RBFOX1: variants seen among roughly 807,000 people sequenced by gnomAD.
RBFOX1 encodes the protein RNA binding fox-1 homolog 1.
Under a neutral mutation model 57.7 loss-of-function variants are expected in RBFOX1, and 8 were observed. The observed-to-expected ratio is 0.14, with a 90% CI of 0.08 to 0.25. The LOEUF is 0.25. RBFOX1 is among the 10% of genes least tolerant of loss of function. The pLI is 1.00. For missense variants in RBFOX1, 611 were observed against 548.5 expected (o/e 1.11, Z -1.14); for synonymous variants, 326 against 222.4 (o/e 1.47, Z -4.15).
chr16:7,251,134 G>A (rs1252512863), intron 4 of RBFOX1, among the ~76,000 whole-genome samples: 1 of 152,008 alleles, frequency 6.6e-6, no homozygotes, highest in South Asian at 2.1e-4. Flanking sequence ...CTGAAATTTT[G>A]TATCCATTCA....
chr16:6,586,851 G>C (rs183654745), intron 2 of RBFOX1, among the ~76,000 whole-genome samples: 1 of 152,094 alleles, frequency 6.6e-6, no homozygotes, highest in Non-Finnish European at 1.5e-5. Flanking sequence ...AAGGGAAAAG[G>C]TTTCTTCAAT....
intron 4 of RBFOX1, among the ~76,000 whole-genome samples, chr16:7,053,919 G>C (rs1426731788): frequency 3.9e-5 from 6 of 152,038 alleles, no homozygotes; most frequent in Admixed American, 3.9e-4. Context: ...ATTGGATAGA[G>C]CACACATATA....
chr16:6,896,842 GTAATATAAAAAT>G (rs2067043759), intron 3 of RBFOX1, among the ~76,000 whole-genome samples: 1 of 152,170 alleles, frequency 6.6e-6, no homozygotes, highest in Non-Finnish European at 1.5e-5. Flanking sequence ...AAGATTGCAG[GTAATATAAAAAT>G]CAGTGGAAGA....
intron 4 of RBFOX1, among the ~76,000 whole-genome samples, chr16:5,950,991 A>C (rs1442723822): frequency 6.6e-6 from 1 of 152,150 alleles, no homozygotes; most frequent in Non-Finnish European, 1.5e-5. Context: ...TCTCACCTCA[A>C]GTGTAACTCA....
intron 2 of RBFOX1, among the ~76,000 whole-genome samples, chr16:6,330,115 G>T (rs926932950): frequency 1.3e-5 from 2 of 152,084 alleles, no homozygotes; most frequent in African/African-American, 4.8e-5. Context: ...TATGTCTGTA[G>T]TTTAATACTA....
At chr16:6,469,829 G>A (rs542587738) in intron 2 of RBFOX1, among the ~76,000 whole-genome samples, 2 of 152,172 alleles carry the variant, frequency 1.3e-5, no homozygotes, top group Non-Finnish European at 1.5e-5. Flanking sequence ...CTAAGTGGGA[G>A]TTAGGAATCC....
intron 1 of RBFOX1, among the ~76,000 whole-genome samples, chr16:6,175,805 A>G (rs1304320447): frequency 6.6e-6 from 1 of 152,110 alleles, no homozygotes; most frequent in East Asian, 1.9e-4. Flanking sequence ...TCTCTTGGTG[A>G]TAAGAAGAGG....
chr16:7,346,461 C>G (rs557994536), intron 4 of RBFOX1, among the ~76,000 whole-genome samples: 113 of 152,220 alleles, frequency 7.4e-4, no homozygotes, highest in African/African-American at 2.6e-3. Flanking sequence ...TTGATAATGT[C>G]TCTGCTTTCT....
intron 4 of RBFOX1, chr16:7,423,023 C>G (rs2098557386): frequency 6.6e-6 from 1 of 152,060 alleles, no homozygotes; most frequent in African/African-American, 2.4e-5. Context: ...TGGCTTCACA[C>G]CTGGGGTGAG....
intron 14 of RBFOX1, among the ~76,000 whole-genome samples, chr16:7,691,691 C>T (rs2077374174): frequency 6.6e-6 from 1 of 152,122 alleles, no homozygotes; most frequent in East Asian, 1.9e-4. Flanking sequence ...GTTTTTGTCT[C>T]CAAGTGGCTT....
At chr16:6,998,786 A>C (rs756038694) in intron 3 of RBFOX1, among the ~76,000 whole-genome samples, 27 of 152,132 alleles carry the variant, frequency 1.8e-4, no homozygotes, top group Admixed American at 7.9e-4. Context: ...TACAGACTCC[A>C]GTCTAAAATT....
chr16:7,063,901 G>A (rs549963415), intron 4 of RBFOX1, among the ~76,000 whole-genome samples: 1 of 152,170 alleles, frequency 6.6e-6, no homozygotes, highest in African/African-American at 2.4e-5. Flanking sequence ...TTTTATATCA[G>A]AGACCTCATT....
chr16:6,431,508 T>G (rs1288680025), intron 2 of RBFOX1, among the ~76,000 whole-genome samples: 2 of 151,902 alleles, frequency 1.3e-5, no homozygotes, highest in South Asian at 4.2e-4. Flanking sequence ...AAATGTCTGC[T>G]CAGTTGGCAG....
intron 2 of RBFOX1, among the ~76,000 whole-genome samples, chr16:6,344,475 G>T (rs1350843720): frequency 7.5e-6 from 1 of 132,508 alleles, no homozygotes; most frequent in Non-Finnish European, 1.5e-5. Flanking sequence ...TCAGCGCACT[G>T]CATGCTCTGC....
intron 4 of RBFOX1, among the ~76,000 whole-genome samples, chr16:7,157,950 T>C (rs891695122): frequency 2.0e-5 from 3 of 152,214 alleles, no homozygotes; most frequent in African/African-American, 7.2e-5. Flanking sequence ...GCATTTAATG[T>C]TGAGATGATT....
intron 3 of RBFOX1, among the ~76,000 whole-genome samples, chr16:5,727,972 C>G (rs1378226628): frequency 6.6e-6 from 1 of 152,224 alleles, no homozygotes; most frequent in African/African-American, 2.4e-5. Context: ...CAGGAGACAG[C>G]TACCATGCCC....
At chr16:7,175,582 T>C (rs2152487261) in intron 4 of RBFOX1, among the ~76,000 whole-genome samples, 1 of 152,218 alleles carries the variant, frequency 6.6e-6, no homozygotes, top group South Asian at 2.1e-4. Flanking sequence ...AAGGATCCCA[T>C]TTGTGCATAA....
At chr16:5,274,469 GA>G in intron 1 of RBFOX1, among the ~76,000 whole-genome samples, 1 of 152,256 alleles carries the variant, frequency 6.6e-6, no homozygotes, top group African/African-American at 2.4e-5. Flanking sequence ...GCGGAGGTTG[GA>G]GTGAGCCAAG....
At chr16:7,064,283 C>G (rs1427100882) in intron 4 of RBFOX1, among the ~76,000 whole-genome samples, 1 of 151,462 alleles carries the variant, frequency 6.6e-6, no homozygotes, top group Non-Finnish European at 1.5e-5. Flanking sequence ...ATTGTCTTGC[C>G]TCAGCCTCCT....
Sources: gnomAD v4.1 joint callset for allele counts (sites outside exome capture counted in the v4.1 genomes callset) on GRCh38, gnomAD v4.1.1 for gene constraint, MANE v1.5 for transcripts, NCBI Gene and HGNC (gene_info 2026-07-23, HGNC 2026-07-21) for gene names.